Variants in GALNT13 observed in about 807,000 individuals in gnomAD.
The protein encoded by GALNT13 is polypeptide N-acetylgalactosaminyltransferase 13.
A neutral mutation model predicts 64.2 loss-of-function variants in GALNT13; 28 were observed. That is an observed-to-expected ratio of 0.44 (90% confidence interval 0.32 to 0.60). The LOEUF is 0.60. Ranked by LOEUF, GALNT13 falls within the 20% of genes least tolerant of loss-of-function variation. The pLI is 0.05. For missense variants in GALNT13, 577 were observed against 669.8 expected (o/e 0.86, Z 1.53); for synonymous variants, 214 against 224.6 (o/e 0.95, Z 0.42).
At chr2:154,231,887 T>TA (rs1365359772) in intron 4 of GALNT13, among the ~76,000 whole-genome samples, 3 of 151,736 alleles carry the variant, frequency 2.0e-5, no homozygotes, top group African/African-American at 7.3e-5. Flanking sequence ...CTATATACAA[T>TA]AAAAAAGCAC....
chr2:153,627,950 C>T, the GALNT13 span, among the ~76,000 whole-genome samples: 4 of 152,214 alleles, frequency 2.6e-5, no homozygotes, highest in African/African-American at 4.8e-5. Flanking sequence ...GCAGTATGGC[C>T]ATTTTCACGA....
the GALNT13 span, among the ~76,000 whole-genome samples, chr2:153,857,137 G>A: frequency 6.6e-6 from 1 of 152,154 alleles, no homozygotes; most frequent in Non-Finnish European, 1.5e-5. Flanking sequence ...TTGCATCAAT[G>A]TGTAAGGATT....
chr2:153,321,240 G>A, the GALNT13 span, among the ~76,000 whole-genome samples: 19 of 152,146 alleles, frequency 1.2e-4, no homozygotes, highest in African/African-American at 4.3e-4. Flanking sequence ...TGTCCAGATT[G>A]TACCAATTTT....
At chr2:154,055,066 T>TCTCGG (rs570045911) in intron 3 of GALNT13, among the ~76,000 whole-genome samples, 2,218 of 152,086 alleles carry the variant, frequency 0.015, 25 homozygotes, top group Non-Finnish European at 0.022. Flanking sequence ...TGATCAAGAA[T>TCTCGG]CTAGGCTCTG....
the GALNT13 span, among the ~76,000 whole-genome samples, chr2:153,533,133 A>C: frequency 6.6e-6 from 1 of 152,154 alleles, no homozygotes; most frequent in African/African-American, 2.4e-5. Flanking sequence ...TTTTTCCTTT[A>C]GCCTTCTTTA....
chr2:154,264,656 A>C (rs1461937992), intron 8 of GALNT13, among the ~76,000 whole-genome samples: 1 of 151,694 alleles, frequency 6.6e-6, no homozygotes, highest in Non-Finnish European at 1.5e-5. Flanking sequence ...AACAAACAAA[A>C]CCCACAGATT....
the GALNT13 span, among the ~76,000 whole-genome samples, chr2:153,615,854 C>A: frequency 1.1e-4 from 17 of 151,800 alleles, no homozygotes; most frequent in Admixed American, 1.1e-3. Context: ...GTCAGGTGAC[C>A]AGTTTGCAAA....
chr2:153,777,594 A>G, the GALNT13 span, among the ~76,000 whole-genome samples: 1 of 152,128 alleles, frequency 6.6e-6, no homozygotes, highest in Non-Finnish European at 1.5e-5. Flanking sequence ...CTCACATTTT[A>G]TTGGCCAATG....
At chr2:153,773,627 T>A in the GALNT13 span, among the ~76,000 whole-genome samples, 1 of 152,186 alleles carries the variant, frequency 6.6e-6, no homozygotes, top group Non-Finnish European at 1.5e-5. Flanking sequence ...AAGAGAAGAA[T>A]GGTTGTCACA....
the GALNT13 span, among the ~76,000 whole-genome samples, chr2:153,749,162 G>A: frequency 4.0e-5 from 6 of 151,870 alleles, no homozygotes. Flanking sequence ...TTTTTTCTGA[G>A]TTGTTTATTA....
At chr2:153,339,781 C>T in the GALNT13 span, among the ~76,000 whole-genome samples, 1 of 152,108 alleles carries the variant, frequency 6.6e-6, no homozygotes, top group Non-Finnish European at 1.5e-5. Context: ...TTTTTTAATA[C>T]ATTGTAAAAT....
intron 9 of GALNT13, among the ~76,000 whole-genome samples, chr2:154,388,816 A>G (rs1287735418): frequency 6.6e-6 from 1 of 152,328 alleles, no homozygotes; most frequent in East Asian, 1.9e-4. Context: ...AGAAAATATC[A>G]CAAAAAAATT....
intron 4 of GALNT13, among the ~76,000 whole-genome samples, chr2:154,168,273 A>T (rs1379710201): frequency 3.3e-5 from 5 of 152,124 alleles, no homozygotes; most frequent in African/African-American, 1.2e-4. Context: ...CAGGGAAGAC[A>T]TGATGCTTCA....
chr2:153,488,287 C>G, the GALNT13 span, among the ~76,000 whole-genome samples: 1 of 152,178 alleles, frequency 6.6e-6, no homozygotes, highest in South Asian at 2.1e-4. Context: ...GAAGAAGGCT[C>G]TTTTTGTTGT....
At chr2:154,374,007 C>T (rs1697840914) in intron 9 of GALNT13, among the ~76,000 whole-genome samples, 1 of 152,188 alleles carries the variant, frequency 6.6e-6, no homozygotes, top group South Asian at 2.1e-4. Context: ...GTGAGTGCCT[C>T]CTTCAGACTT....
the GALNT13 span, among the ~76,000 whole-genome samples, chr2:153,630,791 A>T: frequency 6.3e-3 from 82 of 13,112 alleles, no homozygotes; most frequent in South Asian, 0.079. Context: ...ATATATATAT[A>T]TATATATATA....
At chr2:153,728,011 T>C in the GALNT13 span, among the ~76,000 whole-genome samples, 81 of 152,332 alleles carry the variant, frequency 5.3e-4, no homozygotes, top group East Asian at 0.013. Context: ...TTTCTGTTCC[T>C]GTGTTAGTTT....
chr2:153,671,083 C>G, the GALNT13 span, among the ~76,000 whole-genome samples: 8 of 152,090 alleles, frequency 5.3e-5, no homozygotes, highest in African/African-American at 1.9e-4. Context: ...GATTGGTGTA[C>G]CTGAAAGTGA....
At chr2:154,133,630 T>A (rs1183456612) in intron 3 of GALNT13, among the ~76,000 whole-genome samples, 1 of 146,008 alleles carries the variant, frequency 6.8e-6, no homozygotes, top group Non-Finnish European at 1.5e-5. Flanking sequence ...TTCTAATTAC[T>A]TTTTTATCAG....
Sources: gnomAD v4.1 joint callset for allele counts (sites outside exome capture counted in the v4.1 genomes callset) on GRCh38, gnomAD v4.1.1 for gene constraint, MANE v1.5 for transcripts, NCBI Gene and HGNC (gene_info 2026-07-23, HGNC 2026-07-21) for gene names.